Variants in FRS2 observed in about 807,000 individuals in gnomAD.
The protein encoded by FRS2 is fibroblast growth factor receptor substrate 2.
Under a neutral mutation model 43.9 loss-of-function variants are expected in FRS2, and 8 were observed. The ratio of observed to expected loss-of-function variants is 0.18; its 90% confidence interval spans 0.11 to 0.33. FRS2 has a LOEUF of 0.33. Ranked by LOEUF, FRS2 falls within the 10% of genes least tolerant of loss-of-function variation. The pLI, the probability that FRS2 is intolerant of heterozygous loss-of-function variation, is 1.00. For missense variants in FRS2, 534 were observed against 627.6 expected (o/e 0.85, Z 1.59); for synonymous variants, 219 against 220.3 (o/e 0.99, Z 0.05).
At chr12:69,477,752 ATTTT>A (rs869033859) in intron 1 of FRS2, among the ~76,000 whole-genome samples, 91 of 90,050 alleles carry the variant, frequency 1.0e-3, no homozygotes, top group Middle Eastern at 0.011. Flanking sequence ...TTATTTATTT[ATTTT>A]TTGAGACAGA....
chr12:69,512,007 C>T (rs966703524), intron 1 of FRS2, among the ~76,000 whole-genome samples: 9 of 152,188 alleles, frequency 5.9e-5, no homozygotes, highest in African/African-American at 2.2e-4. Flanking sequence ...TGCTTTGTAA[C>T]AGAGGTTTCT....
chr12:69,573,607 C>T (rs769232070), intron 8 of FRS2, among the ~76,000 whole-genome samples: 5 of 152,046 alleles, frequency 3.3e-5, no homozygotes, highest in East Asian at 1.9e-4. Flanking sequence ...GGATTACAGG[C>T]GCTCACCACC....
At chr12:69,511,264 A>G (rs971704487) in intron 1 of FRS2, among the ~76,000 whole-genome samples, 18 of 152,200 alleles carry the variant, frequency 1.2e-4, no homozygotes, top group African/African-American at 1.9e-4. Context: ...TAAGCAGTCA[A>G]TGAATACTTG....
chr12:69,507,308 G>A (rs1214755704), intron 1 of FRS2, among the ~76,000 whole-genome samples: 2 of 151,906 alleles, frequency 1.3e-5, no homozygotes, highest in African/African-American at 2.4e-5. Context: ...TAAATACTTG[G>A]CATTTTTTTT....
chr12:69,565,901 C>G (rs573597538), intron 4 of FRS2, among the ~76,000 whole-genome samples: 1 of 152,142 alleles, frequency 6.6e-6, no homozygotes, highest in South Asian at 2.1e-4. Context: ...AAACCAATTA[C>G]ATAGTCATTT....
chr12:69,529,371 C>T (rs774456332), intron 1 of FRS2, among the ~76,000 whole-genome samples: 2 of 152,132 alleles, frequency 1.3e-5, no homozygotes, highest in Non-Finnish European at 2.9e-5. Flanking sequence ...TTCCTGTAAT[C>T]CCAGCACTTT....
intron 1 of FRS2, among the ~76,000 whole-genome samples, chr12:69,515,646 T>A (rs934584113): frequency 3.3e-5 from 5 of 152,020 alleles, no homozygotes; most frequent in African/African-American, 1.2e-4. Context: ...CAAATACATG[T>A]GGAAGAGAGG....
chr12:69,528,847 A>G (rs1172817817), intron 1 of FRS2, among the ~76,000 whole-genome samples: 1 of 152,254 alleles, frequency 6.6e-6, no homozygotes, highest in African/African-American at 2.4e-5. Context: ...AAGAGGAGAA[A>G]TAAGCCAGAG....
chr12:69,481,966 T>A (rs981889236), intron 1 of FRS2, among the ~76,000 whole-genome samples: 1 of 151,766 alleles, frequency 6.6e-6, no homozygotes, highest in Non-Finnish European at 1.5e-5. Context: ...TAACAAGCAG[T>A]CTGCTTAGAG....
intron 1 of FRS2, among the ~76,000 whole-genome samples, chr12:69,514,449 G>A (rs547464216): frequency 1.3e-5 from 2 of 152,238 alleles, no homozygotes; most frequent in South Asian, 2.1e-4. Flanking sequence ...TCACTAATTC[G>A]CTACTCTGGG....
At chr12:69,555,978 C>A (rs1385543573) in intron 3 of FRS2, among the ~76,000 whole-genome samples, 1 of 137,298 alleles carries the variant, frequency 7.3e-6, no homozygotes, top group Non-Finnish European at 1.5e-5. Flanking sequence ...TGGCATTTGG[C>A]ATAGCTTCTT....
chr12:69,529,634 T>C (rs1156885539), intron 1 of FRS2, among the ~76,000 whole-genome samples: 1 of 150,880 alleles, frequency 6.6e-6, no homozygotes, highest in Non-Finnish European at 1.5e-5. Context: ...AATAAATAAA[T>C]AAATAAATAA....
At position 69,579,242 on chromosome 12, in the gene FRS2, T is replaced by C. The variant is rs1275899247; in HGVS notation, c.*4287T>C. On this transcript the variant is annotated 3_prime_UTR_variant, in exon 9 of 9. Coordinates refer to ENST00000549921, the MANE Select transcript of FRS2 (RefSeq NM_001278356.2). ...GGACGATTGCCCTCTAGTTGTCCTT[T>C]GCATATGACTGTTTTTTGCCATATA... 5 of 152,636 alleles carry C rather than the reference T, an allele frequency of 3.3e-5. No homozygotes were observed. The highest frequency in any genetic ancestry group is 7.2e-5 in the African/African-American group (3 of 41,454). 9.5% of individuals were successfully genotyped at this position (152,636 alleles called of 1,614,324 possible).
At chr12:69,493,781 G>C (rs1872659936) in intron 1 of FRS2, among the ~76,000 whole-genome samples, 1 of 152,164 alleles carries the variant, frequency 6.6e-6, no homozygotes, top group Non-Finnish European at 1.5e-5. Context: ...GCAAATGATA[G>C]CACTTGTCAT....
rs533839846 is a variant in FRS2, at chr12:69,569,201, A to G, written c.66+105A>G. ...CTGGCTTTTATCACCAAACCTTTCT[A>G]TTTCCCTTTCTTTCCACCCTGTCTT... On this transcript the variant is annotated intron_variant, in intron 5 of 8. Transcript: ENST00000549921. 11 of 612,978 alleles carry G rather than the reference A, an allele frequency of 1.8e-5. No individual in the cohort carries two copies. The East Asian group carries it at 3.0e-4, about 17-fold the overall frequency. The allele number at this position is 612,978 out of a possible 1,614,324, so 38.0% of individuals were successfully genotyped here. A position where few individuals can be genotyped will look rare whatever the true frequency, so the allele number is the denominator to read the frequency against.
rs76395367 is a variant in FRS2, at chr12:69,525,807, G to A, written c.-260-5058G>A. 8.7e-3 allele frequency among the ~76,000 whole-genome samples: 1,320 copies of A among 151,644 alleles called. 18 individuals are homozygous for A. The highest frequency in any genetic ancestry group is 0.03 in the African/African-American group (1,241 of 41,244). ...ATAATTTCCAGATCACAAATATTTA[G>A]AAGACTAGCATATGTATTTAGTACT... is the stretch of plus-strand genomic sequence containing the variant. On this transcript the variant is annotated intron_variant, in intron 1 of 8. Coordinates refer to ENST00000549921, the MANE Select transcript of FRS2 (RefSeq NM_001278356.2).
At chr12:69,559,007 G>A (rs1003253321) in intron 3 of FRS2, among the ~76,000 whole-genome samples, 1 of 152,170 alleles carries the variant, frequency 6.6e-6, no homozygotes, top group Non-Finnish European at 1.5e-5. Flanking sequence ...AACTATGCCT[G>A]AAATAAAGAA....
intron 3 of FRS2, among the ~76,000 whole-genome samples, chr12:69,532,444 T>C (rs996421193): frequency 1.3e-5 from 2 of 152,184 alleles, no homozygotes; most frequent in Non-Finnish European, 2.9e-5. Context: ...TAGGGGCTGG[T>C]AGATTTGTTT....
chr12:69,566,616 TA>T (rs3834478), intron 4 of FRS2, among the ~76,000 whole-genome samples: 92,797 of 149,752 alleles, frequency 0.62, 30,278 homozygotes, highest in African/African-American at 0.84. Context: ...TTGGGGGATT[TA>T]AAAAAAAAAA....
Sources: gnomAD v4.1 joint callset for allele counts (sites outside exome capture counted in the v4.1 genomes callset) on GRCh38, gnomAD v4.1.1 for gene constraint, MANE v1.5 for transcripts, NCBI Gene and HGNC (gene_info 2026-07-23, HGNC 2026-07-21) for gene names.